LOC400499: variants seen among roughly 807,000 people sequenced by gnomAD.
chr16:11,502,916 C>T, the LOC400499 span, among the ~76,000 whole-genome samples: 16 of 51,246 alleles, frequency 3.1e-4, no homozygotes, highest in African/African-American at 8.9e-4. Context: ...ACCTGGACCA[C>T]CTTTTTTTTT....
At chr16:11,479,606 G>A in the LOC400499 span, among the ~76,000 whole-genome samples, 24 of 152,134 alleles carry the variant, frequency 1.6e-4, no homozygotes, top group East Asian at 4.1e-3. Context: ...CTGGACAACA[G>A]ACAGAGCAAG....
At chr16:11,513,813 T>C in the LOC400499 span, among the ~76,000 whole-genome samples, 1 of 152,280 alleles carries the variant, frequency 6.6e-6, no homozygotes, top group Non-Finnish European at 1.5e-5. Context: ...ACACATAAAG[T>C]GCTCAGCACA....
chr16:11,502,443 T>C, the LOC400499 span, among the ~76,000 whole-genome samples: 3 of 152,218 alleles, frequency 2.0e-5, no homozygotes, highest in Non-Finnish European at 4.4e-5. Flanking sequence ...CTATGTGCCT[T>C]GCATTGCACT....
At chr16:11,506,937 G>C in the LOC400499 span, among the ~76,000 whole-genome samples, 1 of 152,184 alleles carries the variant, frequency 6.6e-6, no homozygotes, top group African/African-American at 2.4e-5. Context: ...TCTAGCAACA[G>C]GGTCCTCAGC....
the LOC400499 span, chr16:11,391,614 G>T: frequency 3.3e-6 from 4 of 1,220,792 alleles, no homozygotes; most frequent in African/African-American, 3.1e-5. Context: ...CCGGTGGAGA[G>T]GGGGGACATT....
the LOC400499 span, among the ~76,000 whole-genome samples, chr16:11,437,385 C>T: frequency 1.3e-5 from 2 of 152,132 alleles, no homozygotes; most frequent in East Asian, 3.8e-4. Context: ...GAGCAATACC[C>T]GCATCTCTAC....
At chr16:11,496,937 G>A in the LOC400499 span, among the ~76,000 whole-genome samples, 10 of 147,038 alleles carry the variant, frequency 6.8e-5, no homozygotes, top group Admixed American at 3.4e-4. Flanking sequence ...TGTGTGTCTT[G>A]ACAGGTCTAT....
chr16:11,456,482 G>T, the LOC400499 span, among the ~76,000 whole-genome samples: 1 of 152,204 alleles, frequency 6.6e-6, no homozygotes, highest in Non-Finnish European at 1.5e-5. Context: ...GGGGGAGAGT[G>T]GGGTGGGACA....
chr16:11,381,258 G>A, the LOC400499 span: 1 of 152,098 alleles, frequency 6.6e-6, no homozygotes, highest in African/African-American at 2.4e-5. Context: ...TTGAGTTTTT[G>A]TTTTGTGAGA....
At chr16:11,381,220 T>C in the LOC400499 span, 1 of 152,188 alleles carries the variant, frequency 6.6e-6, no homozygotes, top group East Asian at 1.9e-4. Context: ...CAAACATTTT[T>C]CATGCATTTA....
the LOC400499 span, among the ~76,000 whole-genome samples, chr16:11,443,901 C>T: frequency 3.9e-3 from 597 of 151,584 alleles, 2 homozygotes; most frequent in African/African-American, 0.013. Flanking sequence ...GTGCTGGGAT[C>T]TCGGCTCACC....
the LOC400499 span, among the ~76,000 whole-genome samples, chr16:11,519,375 G>A: frequency 2.0e-5 from 3 of 152,026 alleles, no homozygotes; most frequent in Non-Finnish European, 2.9e-5. Flanking sequence ...GGTGGGGAGG[G>A]GGTTGCAAAA....
the LOC400499 span, chr16:11,399,359 A>C: frequency 2.5e-4 from 214 of 856,236 alleles, no homozygotes; most frequent in African/African-American, 3.3e-3. Context: ...TAAGTTGCCC[A>C]GGATCCCGCA....
the LOC400499 span, chr16:11,386,993 A>G: frequency 1.4e-6 from 1 of 725,492 alleles, no homozygotes; most frequent in South Asian, 7.3e-5. Context: ...GGACCTTGGG[A>G]AGTCCAGTAA....
the LOC400499 span, among the ~76,000 whole-genome samples, chr16:11,412,095 G>A: frequency 4.3e-4 from 65 of 152,148 alleles, no homozygotes; most frequent in African/African-American, 1.5e-3. Flanking sequence ...GAGCTTCTGG[G>A]CTTAAGCAAT....
chr16:11,503,220 C>A, the LOC400499 span, among the ~76,000 whole-genome samples: 2 of 151,384 alleles, frequency 1.3e-5, no homozygotes, highest in Admixed American at 1.3e-4. Context: ...CACCCTTTTC[C>A]AATATTCCTA....
the LOC400499 span, among the ~76,000 whole-genome samples, chr16:11,425,763 C>A: frequency 3.2e-4 from 48 of 152,244 alleles, no homozygotes; most frequent in African/African-American, 1.1e-3. Flanking sequence ...CTGGTAAAAT[C>A]GATCAGACGT....
chr16:11,498,463 C>A, the LOC400499 span, among the ~76,000 whole-genome samples: 1 of 151,898 alleles, frequency 6.6e-6, no homozygotes, highest in Non-Finnish European at 1.5e-5. Flanking sequence ...GCCTGGGCAA[C>A]AGAGCGAGAC....
chr16:11,393,536 C>A, the LOC400499 span: 3 of 1,232,460 alleles, frequency 2.4e-6, no homozygotes, highest in Non-Finnish European at 3.0e-6. Context: ...GTAGGCCAAC[C>A]CGCTGAGCCT....
Sources: gnomAD v4.1 joint callset for allele counts (sites outside exome capture counted in the v4.1 genomes callset) on GRCh38, gnomAD v4.1.1 for gene constraint, MANE v1.5 for transcripts.